GALNT14: variants seen among roughly 807,000 people sequenced by gnomAD.
GALNT14 encodes the protein UDP-GalNAc:polypeptide N-acetylgalactosaminyltransferase 14.
In GALNT14, 60 loss-of-function variants were observed where a neutral mutation model predicts 77.5. The ratio of observed to expected loss-of-function variants is 0.77; its 90% CI spans 0.63 to 0.96. GALNT14 has a LOEUF of 0.96. Among genes scored for constraint, GALNT14 ranks in the 40% least tolerant of loss-of-function variants. The pLI, the probability that GALNT14 is intolerant of heterozygous loss-of-function variation, is 0.00. For missense variants in GALNT14, 710 were observed against 731.0 expected, an observed-to-expected ratio of 0.97 and a Z score of 0.33; for synonymous variants, 280 against 281.7, an observed-to-expected ratio of 0.99 and a Z score of 0.06.
At chr2:31,082,785 C>T (rs777124031) in intron 1 of GALNT14, among the ~76,000 whole-genome samples, 1 of 152,002 alleles carries the variant, frequency 6.6e-6, no homozygotes, top group Non-Finnish European at 1.5e-5. Context: ...TTTGGGAGGC[C>T]GAGGTGGGTG....
chr2:30,984,926 C>A (rs1444163415), intron 2 of GALNT14, among the ~76,000 whole-genome samples: 1 of 152,042 alleles, frequency 6.6e-6, no homozygotes, highest in Non-Finnish European at 1.5e-5. Context: ...GGTGCCTGAA[C>A]ACTGAGGGCA....
chr2:31,042,860 T>G (rs1016417563), intron 1 of GALNT14, among the ~76,000 whole-genome samples: 1 of 152,182 alleles, frequency 6.6e-6, no homozygotes, highest in Admixed American at 6.5e-5. Context: ...AAAGTCTATT[T>G]GCAATACAAC....
At position 30,989,560 on chromosome 2, in the gene GALNT14, TTATATATATA is replaced by T. The variant is rs57594110; in HGVS notation, c.299+3268_299+3277del. Among the ~76,000 whole-genome samples, 4 of 87,108 alleles carry T rather than the reference TTATATATATA, an allele frequency of 4.6e-5. No homozygotes were observed. In the Admixed American group the frequency reaches 6.0e-4, roughly 13 times the overall value. 57.1% of individuals were successfully genotyped at this position (87,108 alleles called of 152,430 possible). A position where few individuals can be genotyped will look rare whatever the true frequency, so the allele number is the denominator to read the frequency against. On this transcript the variant is annotated intron_variant, in intron 2 of 14. Coordinates refer to ENST00000349752, the MANE Select transcript of GALNT14 (RefSeq NM_024572.4). ...ATTTACTATTAGGTAGGTAAATACC[TTATATATATA>T]TATATATATATAAAAATATATATAT...
the GALNT14 span, among the ~76,000 whole-genome samples, chr2:30,894,416 C>A: frequency 6.6e-6 from 1 of 152,288 alleles, no homozygotes; most frequent in South Asian, 2.1e-4. Context: ...ATCCTCTGTT[C>A]AAAGTTCTGT....
intron 1 of GALNT14, among the ~76,000 whole-genome samples, chr2:31,066,844 G>C (rs2148554024): frequency 6.6e-6 from 1 of 152,084 alleles, no homozygotes; most frequent in Admixed American, 6.5e-5. Flanking sequence ...ACAGAAAGGA[G>C]AAATCTAGTC....
intron 1 of GALNT14, among the ~76,000 whole-genome samples, chr2:31,066,330 AGAG>A (rs1674961833): frequency 6.7e-6 from 1 of 149,088 alleles, no homozygotes; most frequent in East Asian, 2.1e-4. Flanking sequence ...GTCAGAAGCC[AGAG>A]GAGTGAGGCT....
chr2:31,062,854 T>C (rs1413122180), intron 1 of GALNT14, among the ~76,000 whole-genome samples: 1 of 152,208 alleles, frequency 6.6e-6, no homozygotes, highest in Non-Finnish European at 1.5e-5. Flanking sequence ...GCCACATAAA[T>C]GTCTTTTGCT....
Position 31,132,678 on chromosome 2 carries a change from C to T in GALNT14, c.129+5280G>A, listed in dbSNP as rs192107302. ...AACTTCCAAGCTGTCTTTGTTCAATCCTGGGTGTAGGCTGCACTAACTTTG... is the reference window on the plus strand; with the variant it reads ...AACTTCCAAGCTGTCTTTGTTCAATTCTGGGTGTAGGCTGCACTAACTTTG... On this transcript the variant is annotated intron_variant, in intron 1 of 14. Coordinates refer to ENST00000349752, the MANE Select transcript of GALNT14 (RefSeq NM_024572.4). The T allele has an allele frequency of 3.0e-4, 141 of 470,370 alleles. No individual in the cohort carries two copies. The East Asian group carries it at 8.3e-3, about 28-fold the overall frequency. The allele number at this position is 470,370 out of a possible 1,614,324, so 29.1% of individuals were successfully genotyped here. A position where few individuals can be genotyped will look rare whatever the true frequency, so the allele number is the denominator to read the frequency against.
chr2:31,129,497 T>G, intron 1 of GALNT14: 1 of 985,444 alleles, frequency 1.0e-6, no homozygotes, highest in Non-Finnish European at 1.2e-6. Flanking sequence ...CTGGCAGCCA[T>G]CAATTGGCCA....
intron 1 of GALNT14, among the ~76,000 whole-genome samples, chr2:31,029,085 C>G (rs995631157): frequency 6.6e-6 from 1 of 152,104 alleles, no homozygotes; most frequent in Admixed American, 6.5e-5. Context: ...AGAACTCTAA[C>G]GCGTGCAGAG....
At chr2:31,042,276 C>G (rs1305423001) in intron 1 of GALNT14, among the ~76,000 whole-genome samples, 1 of 152,138 alleles carries the variant, frequency 6.6e-6, no homozygotes, top group Non-Finnish European at 1.5e-5. Flanking sequence ...TTACACCTCT[C>G]TTTTCAAAAA....
chr2:30,964,254 G>C (rs1164191929), intron 3 of GALNT14, among the ~76,000 whole-genome samples: 1 of 152,202 alleles, frequency 6.6e-6, no homozygotes, highest in African/African-American at 2.4e-5. Flanking sequence ...CGGTGGGGAA[G>C]GCAGAGGTTG....
chr2:31,113,509 G>A (rs925680456), intron 1 of GALNT14, among the ~76,000 whole-genome samples: 1 of 152,198 alleles, frequency 6.6e-6, no homozygotes, highest in Non-Finnish European at 1.5e-5. Context: ...TGGCCCAGAG[G>A]AAGGGATGGG....
chr2:30,918,853 C>T (rs1431472911), intron 13 of GALNT14, among the ~76,000 whole-genome samples: 3 of 142,756 alleles, frequency 2.1e-5, no homozygotes, highest in Non-Finnish European at 4.6e-5. Flanking sequence ...AAGGTGGCAT[C>T]AGGCGGGGAA....
intron 13 of GALNT14, among the ~76,000 whole-genome samples, chr2:30,920,707 T>C (rs1422619341): frequency 1.3e-5 from 2 of 152,096 alleles, no homozygotes; most frequent in African/African-American, 4.8e-5. Context: ...GGCATGGTCA[T>C]GTGGATTTCT....
intron 3 of GALNT14, among the ~76,000 whole-genome samples, chr2:30,961,483 G>A (rs971261682): frequency 6.6e-6 from 1 of 152,144 alleles, no homozygotes; most frequent in African/African-American, 2.4e-5. Flanking sequence ...CCTCAGCTGT[G>A]TGAAAGGAGC....
At position 30,924,148 on chromosome 2, in the gene GALNT14, T is replaced by TG. The variant is rs753125723; in HGVS notation, c.1350dup (p.Lys451GlnfsTer48). 2 of 1,614,254 alleles carry TG rather than the reference T, an allele frequency of 1.2e-6. No individual in the cohort carries two copies. Among genetic ancestry groups the TG allele is most frequent in the East Asian group, 4.5e-5 (2 of 44,890 alleles). On this transcript the variant is annotated frameshift_variant, in exon 13 of 15. Transcript: ENST00000349752. LOFTEE classifies it high-confidence loss of function. ...GACTTTGCATCTTCGCCTTTGACCT[T>TG]GGCACAGGGGCTCAACTTTAGGTTT...
intron 2 of GALNT14, among the ~76,000 whole-genome samples, chr2:30,967,818 C>T (rs530719924): frequency 2.0e-5 from 3 of 152,318 alleles, no homozygotes; most frequent in African/African-American, 7.2e-5. Flanking sequence ...TTGAATCCCT[C>T]CAGCAGTTCC....
intron 1 of GALNT14, among the ~76,000 whole-genome samples, chr2:31,059,733 G>C (rs1674470755): frequency 6.6e-6 from 1 of 152,120 alleles, no homozygotes; most frequent in Non-Finnish European, 1.5e-5. Flanking sequence ...AAATGATAAA[G>C]AGGCCCAAGA....
Sources: allele counts gnomAD v4.1 joint callset (sites outside exome capture counted in the v4.1 genomes callset), GRCh38; gene constraint gnomAD v4.1.1; transcripts MANE v1.5; gene names NCBI Gene and HGNC (gene_info 2026-07-23, HGNC 2026-07-21).